RPGRIP1L: variants seen among roughly 807,000 people sequenced by gnomAD.
RPGRIP1L encodes protein fantom.
A neutral mutation model predicts 160.4 loss-of-function variants in RPGRIP1L; 131 were observed. The observed-to-expected ratio is 0.82, with a 90% CI of 0.71 to 0.94. The LOEUF (loss-of-function observed/expected upper bound fraction) is 0.94. RPGRIP1L is among the 40% of genes least tolerant of loss of function. The pLI, the probability that RPGRIP1L is intolerant of heterozygous loss-of-function variation, is 0.00. For synonymous variants in RPGRIP1L, 510 were observed against 515.8 expected, an observed-to-expected ratio of 0.99 and a Z score of 0.15; for missense variants, 1,522 against 1,535.8, an observed-to-expected ratio of 0.99 and a Z score of 0.15.
At chr16:53,611,087 T>C in intron 24 of RPGRIP1L, 36 bp from the exon 25 acceptor site, 1 of 1,430,914 alleles carries the variant, frequency 7.0e-7, no homozygotes, top group Non-Finnish European at 9.8e-7. Flanking sequence ...AAAAAGGAAG[T>C]CACTCAGGAA....
At chr16:53,611,203 C>T (rs974934285) in intron 24 of RPGRIP1L, 152 bp from the exon 25 acceptor site, 1 of 656,294 alleles carries the variant, frequency 1.5e-6, no homozygotes, top group Non-Finnish European at 2.7e-6. Context: ...GCTCCAGAAA[C>T]CAGAATCAAA....
At chr16:53,702,829 T>C (rs760477918) in intron 1 of RPGRIP1L, among the ~76,000 whole-genome samples, 8 of 152,150 alleles carry the variant, frequency 5.3e-5, no homozygotes, top group Non-Finnish European at 1.2e-4. Flanking sequence ...GTATCTCTTA[T>C]AGCAACTGCC....
chr16:53,614,539 G>A (rs1217910868), intron 24 of RPGRIP1L, among the ~76,000 whole-genome samples: 2 of 152,160 alleles, frequency 1.3e-5, no homozygotes, highest in East Asian at 3.8e-4. Context: ...ATTTTTAAAT[G>A]GGATCAGGAG....
intron 3 of RPGRIP1L, among the ~76,000 whole-genome samples, chr16:53,692,926 C>T (rs1397745715): frequency 6.6e-6 from 1 of 152,140 alleles, no homozygotes; most frequent in Non-Finnish European, 1.5e-5. Context: ...GCTTAGTGCT[C>T]AAGAAACACT....
chr16:53,660,691 C>T (rs1035217719), intron 10 of RPGRIP1L, among the ~76,000 whole-genome samples: 9 of 151,192 alleles, frequency 6.0e-5, no homozygotes, highest in African/African-American at 9.7e-5. Context: ...GTCAGGAGTT[C>T]GAGACCAGCC....
In RPGRIP1L at chr16:53,657,562, A is replaced by G. The variant is rs1357891038; in HGVS notation, c.1472T>C (p.Leu491Pro). The change falls in exon 13 of 27, where the codon CTA (leucine) becomes CCA (proline). Residue 491 changes from leucine to proline, a missense_variant. Coordinates refer to ENST00000647211, the MANE Select transcript of RPGRIP1L (RefSeq NM_015272.5). ...TTGCAGCTCTCTCATAGAGCGTTCT[A>G]GATCTTTATTAATTTCACTATCTAC... is the stretch of plus-strand genomic sequence containing the variant. ...VKVDSEINKD[L>P]ERSMRELQAT... 2 of 1,603,996 alleles carry G rather than the reference A, an allele frequency of 1.2e-6. No individual in the cohort carries two copies. Among genetic ancestry groups the G allele is most frequent in the Admixed American group, 3.3e-5 (2 of 59,842 alleles).
chr16:53,698,286 G>T (rs1192970611), intron 2 of RPGRIP1L, among the ~76,000 whole-genome samples: 1 of 143,442 alleles, frequency 7.0e-6, no homozygotes, highest in Non-Finnish European at 1.5e-5. Flanking sequence ...GTCAGCCCCC[G>T]CCAGGCCAGC....
At chr16:53,604,883 T>C (rs1963576946) in intron 26 of RPGRIP1L, among the ~76,000 whole-genome samples, 1 of 151,938 alleles carries the variant, frequency 6.6e-6, no homozygotes, top group Non-Finnish European at 1.5e-5. Context: ...TAAACAACCC[T>C]AGAAAAACAT....
intron 25 of RPGRIP1L, among the ~76,000 whole-genome samples, chr16:53,607,704 GAAAGCCTTCTA>G (rs1211508389): frequency 6.6e-6 from 1 of 152,028 alleles, no homozygotes; most frequent in Non-Finnish European, 1.5e-5. Flanking sequence ...TGTGGCAAAA[GAAAGCCTTCTA>G]AATGCCAGAG....
At chr16:53,620,263 G>A (rs908941788) in intron 23 of RPGRIP1L, among the ~76,000 whole-genome samples, 15 of 152,090 alleles carry the variant, frequency 9.9e-5, no homozygotes, top group African/African-American at 2.7e-4. Context: ...GTATCCTATT[G>A]TAAAAATATT....
At position 53,602,081 on chromosome 16, in the gene RPGRIP1L, C is replaced by T. The variant is rs779866112; in HGVS notation, c.3943G>A (p.Ala1315Thr). The T allele has an allele frequency of 1.9e-6, 3 of 1,600,868 alleles. No homozygotes were observed. Among genetic ancestry groups the T allele is most frequent in the South Asian group, 1.1e-5 (1 of 90,672 alleles). ...TGCCTCTGGAGCATTTGCTTTCAAG[C>T]CTCCAAGTCATCTCTGTATTGCTTG... is the stretch of plus-strand genomic sequence containing the variant. ...VYKQYRDDLE[A>T] Residue 1315 changes from alanine to threonine, a missense_variant, in exon 27 of 27, where the codon GCT (alanine) becomes ACT (threonine). By Grantham distance (58) the Ala-to-Thr change is moderately conservative. Transcript: ENST00000647211.
chr16:53,628,946 T>A (rs1311112023), intron 22 of RPGRIP1L: 1 of 152,126 alleles, frequency 6.6e-6, no homozygotes, highest in Non-Finnish European at 1.5e-5. Flanking sequence ...TTATGCCAAA[T>A]AATTATAAAT....
chr16:53,645,586 T>C (rs201208318), intron 17 of RPGRIP1L, 39 bp downstream of exon 17: 4 of 1,590,564 alleles, frequency 2.5e-6, no homozygotes, highest in African/African-American at 1.3e-5. Context: ...AATTTTGTTT[T>C]GTTTTTACAA....
chr16:53,648,103 CAAAAAAA>C (rs781122239), intron 16 of RPGRIP1L, among the ~76,000 whole-genome samples: 1 of 39,138 alleles, frequency 2.6e-5, no homozygotes, highest in Non-Finnish European at 5.4e-5. Flanking sequence ...GACTCCGTCT[CAAAAAAA>C]AAAAAAAAAA....
chr16:53,624,630 T>C lies in RPGRIP1L; in HGVS notation c.3295-2274A>G, dbSNP rs566924413. ...GAAATATATAGAACTCTTGCTGTTATAGATTTTAATGAAATAAGACTATCT... is the reference window on the plus strand; with the variant it reads ...GAAATATATAGAACTCTTGCTGTTACAGATTTTAATGAAATAAGACTATCT... On this transcript the variant is annotated intron_variant, in intron 22 of 26. Transcript: ENST00000647211. Among the ~76,000 whole-genome samples the C allele has an allele frequency of 2.2e-3, 336 of 152,288 alleles. 2 individuals are homozygous for C. Among genetic ancestry groups the C allele is most frequent in the African/African-American group, 7.7e-3 (322 of 41,556 alleles).
At chr16:53,666,741 A>G (rs1360569916) in intron 9 of RPGRIP1L, among the ~76,000 whole-genome samples, 5 of 152,176 alleles carry the variant, frequency 3.3e-5, no homozygotes, top group Non-Finnish European at 7.4e-5. Context: ...TAGTGTTCCA[A>G]TAGCATTAGT....
At chr16:53,697,480 G>C (rs1274928523) in intron 2 of RPGRIP1L, among the ~76,000 whole-genome samples, 1 of 152,142 alleles carries the variant, frequency 6.6e-6, no homozygotes, top group African/African-American at 2.4e-5. Context: ...TCCTGCCTCA[G>C]CCTGCCGAGT....
rs753722384 is a variant in RPGRIP1L at position 53,658,783 on chromosome 16, A to T, written c.1339T>A (p.Leu447Met). 1 of 1,595,964 alleles carries T rather than the reference A, an allele frequency of 6.3e-7. No individual in the cohort carries two copies. Among genetic ancestry groups the T allele is most frequent in the Non-Finnish European group, 8.6e-7 (1 of 1,167,160 alleles). Reference sequence around the variant, plus strand: ...AGGAAATAATTCACCTGGTTGTACAATTTTATGCGTTTTTTAAGTTCATCA... The same window carrying T: ...AGGAAATAATTCACCTGGTTGTACATTTTTATGCGTTTTTTAAGTTCATCA... ...QLDELKKRIK[L>M]YNQENDINAD... is the part of the protein sequence containing the mutation. The change falls in exon 11 of 27, where the codon TTG becomes ATG. Residue 447 changes from leucine to methionine, a missense_variant. Transcript: ENST00000647211.
At chr16:53,659,082 T>C in intron 10 of RPGRIP1L, 1 of 614,116 alleles carries the variant, frequency 1.6e-6, no homozygotes, top group South Asian at 2.2e-5. Flanking sequence ...TATGATTCAC[T>C]TGCTCATCAA....
Sources: allele counts gnomAD v4.1 joint callset (sites outside exome capture counted in the v4.1 genomes callset), GRCh38; gene constraint gnomAD v4.1.1; transcripts MANE v1.5; gene names NCBI Gene and HGNC (gene_info 2026-07-23, HGNC 2026-07-21).